The following BAZ1A variants were observed in gnomAD, a reference collection of about 807,000 sequenced individuals.
The protein encoded by BAZ1A is bromodomain adjacent to zinc finger domain protein 1A.
Under a neutral mutation model 185.2 loss-of-function variants are expected in BAZ1A, and 50 were observed. The ratio of observed to expected loss-of-function variants is 0.27; its 90% CI spans 0.22 to 0.34. BAZ1A has a LOEUF of 0.34. Among genes scored for constraint, BAZ1A ranks in the 10% least tolerant of loss-of-function variants. BAZ1A has a pLI of 1.00. For synonymous variants in BAZ1A, 571 were observed against 615.6 expected (o/e 0.93, Z 1.07); for missense variants, 1,356 against 1,839.9 (o/e 0.74, Z 4.81).
At chr14:34,791,046 C>G (rs1241590570) in intron 12 of BAZ1A, among the ~76,000 whole-genome samples, 1 of 151,926 alleles carries the variant, frequency 6.6e-6, no homozygotes, top group Non-Finnish European at 1.5e-5. Flanking sequence ...CGCTTGAACC[C>G]GGGAGGCGGA....
chr14:34,776,648 A>G (rs530016232), intron 17 of BAZ1A, 133 bp from the exon 18 acceptor site: 2 of 695,102 alleles, frequency 2.9e-6, no homozygotes, highest in South Asian at 2.0e-5. Context: ...CCCCAAGTTC[A>G]TATGTTGAAG....
intron 3 of BAZ1A, among the ~76,000 whole-genome samples, chr14:34,838,017 C>T (rs1028070140): frequency 1.3e-5 from 2 of 151,866 alleles, no homozygotes; most frequent in Admixed American, 1.3e-4. Flanking sequence ...TATTTTGAGC[C>T]ATCCTGAACA....
At chr14:34,864,575 G>C (rs1226027348) in intron 2 of BAZ1A, among the ~76,000 whole-genome samples, 2 of 152,016 alleles carry the variant, frequency 1.3e-5, no homozygotes, top group African/African-American at 4.8e-5. Flanking sequence ...CCGCCTCCCA[G>C]GTTCAAGTGA....
intron 2 of BAZ1A, among the ~76,000 whole-genome samples, chr14:34,863,947 C>G (rs935151510): frequency 6.6e-6 from 1 of 151,744 alleles, no homozygotes; most frequent in Non-Finnish European, 1.5e-5. Flanking sequence ...CCTCAGCCTC[C>G]TGAGTATTTG....
Position 34,874,322 on chromosome 14 carries a change from G to T in BAZ1A, c.113+170C>A. The stretch of plus-strand genomic sequence containing the variant: ...GCGCGCCGCCGCCAGTTGGCCCCGC[G>T]CGTTCTCCAGGTGGAGGCCAGGAGG... On this transcript the variant is annotated intron_variant, in intron 2 of 26. Transcript: ENST00000360310. This position sits in a 1 kb window ranked among gnomAD's most constrained non-coding sequence, Gnocchi z 4.7. The T allele has an allele frequency of 5.0e-6, 3 of 604,496 alleles. No individual in the cohort carries two copies. Among genetic ancestry groups the T allele is most frequent in the Non-Finnish European group, 5.6e-6 (2 of 354,358 alleles). 37.4% of individuals were successfully genotyped at this position (604,496 alleles called of 1,614,324 possible). A position where few individuals can be genotyped will look rare whatever the true frequency, so the allele number is the denominator to read the frequency against.
intron 3 of BAZ1A, among the ~76,000 whole-genome samples, chr14:34,847,438 C>T (rs2042532430): frequency 6.6e-6 from 1 of 151,736 alleles, no homozygotes. Flanking sequence ...TGAAAAAGAA[C>T]TACAATAAAT....
rs755824658 is a variant in BAZ1A, at chr14:34,771,612, G to A, written c.3200C>T (p.Ala1067Val). 1.2e-6 allele frequency: 2 copies of A among 1,614,010 alleles called. No homozygotes were observed. Among genetic ancestry groups the A allele is most frequent in the South Asian group, 1.1e-5 (1 of 91,072 alleles). ...TETPSTVSTN[A>V]STPQSVSSVV... ...ACTGCTCACTGATTGTGGTGTACTT[G>A]CATTTGTTGATACAGTACTTGGAGT... The change falls in exon 21 of 27, where the codon GCA becomes GTA. Residue 1067 changes from alanine to valine, a missense_variant. Ala to Val is a moderately conservative substitution (Grantham distance 64). This residue lies in a region of BAZ1A where 434 missense variants were observed against 561.7 expected (regional missense o/e 0.77). Transcript: ENST00000360310.
chr14:34,862,212 C>T lies in BAZ1A; in HGVS notation c.224G>A (p.Arg75Lys). 6.2e-7 allele frequency: 1 copy of T among 1,614,126 alleles called. No homozygotes were observed. ...QEALESEKKA[R>K]QNLQSFPEPL... is the part of the protein sequence containing the mutation. Reference sequence around the variant, plus strand: ...TTCTGGAAAACTCTGAAGATTCTGTCTTGCTTTTTTTTCTGACTCAAGTGC... The same window carrying T: ...TTCTGGAAAACTCTGAAGATTCTGTTTTGCTTTTTTTTCTGACTCAAGTGC... The change falls in exon 3 of 27, where the codon AGA becomes AAA. Residue 75 changes from arginine (R) to lysine (K), a missense_variant. By Grantham distance (26) the Arg-to-Lys change is conservative (BLOSUM62 2). Transcript: ENST00000360310.
chr14:34,761,454 A>T (rs933910069), intron 24 of BAZ1A, among the ~76,000 whole-genome samples: 6 of 152,148 alleles, frequency 3.9e-5, no homozygotes, highest in African/African-American at 1.4e-4. Flanking sequence ...GGTGGGAGAG[A>T]GTGAAATGTG....
At chr14:34,783,504 T>G (rs1335126095) in intron 15 of BAZ1A, among the ~76,000 whole-genome samples, 2 of 151,858 alleles carry the variant, frequency 1.3e-5, no homozygotes, top group Non-Finnish European at 2.9e-5. Context: ...CCCGGTTACT[T>G]TTTGTATTTT....
chr14:34,757,622 G>A lies in BAZ1A; in HGVS notation c.4386+1082C>T, dbSNP rs140189022. Reference sequence around the variant, plus strand: ...GGAGGTTGCGGTGAGCCAAGATCACGCCACTGCACTCCAGCCGGGGGACAA... The same window carrying A: ...GGAGGTTGCGGTGAGCCAAGATCACACCACTGCACTCCAGCCGGGGGACAA... On this transcript the variant is annotated intron_variant, in intron 25 of 26. Coordinates refer to ENST00000360310, the MANE Select transcript of BAZ1A (RefSeq NM_013448.3). 4.6e-4 allele frequency among the ~76,000 whole-genome samples: 70 copies of A among 151,906 alleles called. No homozygotes were observed. In the South Asian group the frequency reaches 5.4e-3, roughly 12 times the overall value.
chr14:34,824,264 C>A (rs114610386), intron 4 of BAZ1A, among the ~76,000 whole-genome samples: 3,095 of 135,594 alleles, frequency 0.023, 123 homozygotes, highest in African/African-American at 0.08. Flanking sequence ...GTCCTAGCTA[C>A]TTGGGACGAT....
At chr14:34,853,405 A>T (rs1227922218) in intron 3 of BAZ1A, among the ~76,000 whole-genome samples, 1 of 152,202 alleles carries the variant, frequency 6.6e-6, no homozygotes, top group Non-Finnish European at 1.5e-5. Context: ...CTTTTAAAAT[A>T]ATCTGTTACC....
intron 3 of BAZ1A, among the ~76,000 whole-genome samples, chr14:34,852,704 T>G (rs1456814510): frequency 6.6e-6 from 1 of 152,188 alleles, no homozygotes; most frequent in Non-Finnish European, 1.5e-5. Flanking sequence ...CATTCTATAA[T>G]ATAGCTTTTT....
intron 2 of BAZ1A, among the ~76,000 whole-genome samples, chr14:34,867,747 G>A (rs537241901): frequency 5.3e-5 from 8 of 152,150 alleles, no homozygotes; most frequent in African/African-American, 1.9e-4. Flanking sequence ...AAAAGTCCAA[G>A]GGTCATCTCT....
intron 6 of BAZ1A, among the ~76,000 whole-genome samples, chr14:34,805,529 G>A (rs1173565754): frequency 3.3e-5 from 5 of 152,074 alleles, no homozygotes; most frequent in East Asian, 1.9e-4. Context: ...CACATATATC[G>A]ATTGCCTACC....
Position 34,780,307 on chromosome 14 carries a change from C to T in BAZ1A, c.2115G>A (p.Glu705=). The change falls in exon 17 of 27, where the codon GAG becomes GAA. Residue 705 remains glutamate, a synonymous_variant. Coordinates refer to ENST00000360310, the MANE Select transcript of BAZ1A (RefSeq NM_013448.3). ...TAGTATCAAAATCTTCCCTTTCTTC[C>T]TCCCTTTAGGATAAAAACAAAGATG... is the stretch of plus-strand genomic sequence containing the variant. ...RNSTADISIG[E]EEREDFDTSI... is the part of the protein sequence containing the mutation. The T allele has an allele frequency of 6.2e-7, 1 of 1,609,774 alleles. No individual in the cohort carries two copies. Among genetic ancestry groups the T allele is most frequent in the South Asian group, 1.1e-5 (1 of 89,892 alleles).
rs960099136 is a variant in BAZ1A at position 34,811,144 on chromosome 14, A to G, written c.537-108T>C. The G allele has an allele frequency of 3.6e-6, 3 of 827,014 alleles. No individual in the cohort carries two copies. The Admixed American group carries it at 9.0e-5, about 25-fold the overall frequency. 51.2% of individuals were successfully genotyped at this position (827,014 alleles called of 1,614,324 possible). On this transcript the variant is annotated intron_variant, in intron 4 of 26. Transcript: ENST00000360310. The stretch of plus-strand genomic sequence containing the variant: ...TACTATAATAAAATCACATATTTCA[A>G]AATTTTTTTTTGTTTTTGAGATGGA...
chr14:34,755,028 T>G, intron 25 of BAZ1A, 114 bp from the exon 26 acceptor site: 1 of 631,918 alleles, frequency 1.6e-6, no homozygotes, highest in Non-Finnish European at 2.7e-6. Context: ...TGCAATATGG[T>G]CTTGCTCATG....
Sources: gnomAD v4.1 joint callset for allele counts (sites outside exome capture counted in the v4.1 genomes callset) on GRCh38, gnomAD v4.1.1 for gene constraint, gnomAD v4.1.1 regional missense constraint, Gnocchi (gnomAD v3.1) non-coding constraint, MANE v1.5 for transcripts, NCBI Gene and HGNC (gene_info 2026-07-23, HGNC 2026-07-21) for gene names.